KCNIP4: variants seen among roughly 807,000 people sequenced by gnomAD.
The protein encoded by KCNIP4 is Kv channel-interacting protein 4.
Under a neutral mutation model 34.0 loss-of-function variants are expected in KCNIP4, and 12 were observed. That is an observed-to-expected ratio of 0.35 (90% CI 0.23 to 0.57). KCNIP4 has a LOEUF of 0.57. Among genes scored for constraint, KCNIP4 ranks in the 20% least tolerant of loss-of-function variants. The pLI is 0.83. For missense variants in KCNIP4, 238 were observed against 311.7 expected, an observed-to-expected ratio of 0.76 and a Z score of 1.78; for synonymous variants, 124 against 102.2, an observed-to-expected ratio of 1.21 and a Z score of -1.29.
At chr4:20,786,483 G>C (rs1372466988) in intron 3 of KCNIP4, among the ~76,000 whole-genome samples, 1 of 152,074 alleles carries the variant, frequency 6.6e-6, no homozygotes, top group Non-Finnish European at 1.5e-5. Context: ...TTATTTTAGT[G>C]ATTTTAAATT....
rs561575870 is a variant in KCNIP4 at position 21,227,448 on chromosome 4, C to G, written c.62-344739G>C. On this transcript the variant is annotated intron_variant, in intron 1 of 8. Coordinates refer to ENST00000382152, the MANE Select transcript of KCNIP4 (RefSeq NM_025221.6). ...TTGAAGACTTCTAGTTTTAACTTCCCCCTGTCTGTATCTTGAGTGCCTGCA... is the reference window on the plus strand; with the variant it reads ...TTGAAGACTTCTAGTTTTAACTTCCGCCTGTCTGTATCTTGAGTGCCTGCA... 5.9e-5 allele frequency among the ~76,000 whole-genome samples: 9 copies of G among 152,264 alleles called. No individual in the cohort carries two copies. In the East Asian group the frequency reaches 1.7e-3, roughly 29 times the overall value.
intron 1 of KCNIP4, chr4:21,846,550 A>G (rs559485953): frequency 3.9e-5 from 6 of 152,242 alleles, no homozygotes; most frequent in Admixed American, 3.3e-4. Context: ...GAAGTGATTA[A>G]AGAATGCTTA....
chr4:21,872,612 C>A (rs1027062045), intron 1 of KCNIP4, among the ~76,000 whole-genome samples: 10 of 152,120 alleles, frequency 6.6e-5, no homozygotes, highest in Non-Finnish European at 1.2e-4. Context: ...CAAAGACCTC[C>A]TGATAAAAGT....
intron 1 of KCNIP4, among the ~76,000 whole-genome samples, chr4:21,915,109 G>A (rs1728554546): frequency 6.6e-6 from 1 of 152,090 alleles, no homozygotes; most frequent in Non-Finnish European, 1.5e-5. Context: ...CAGTATTTTA[G>A]GCTTTGCAAG....
chr4:21,873,445 T>C lies in KCNIP4; in HGVS notation c.61+75126A>G, dbSNP rs540583725. Among the ~76,000 whole-genome samples the C allele has an allele frequency of 2.6e-5, 4 of 152,276 alleles. No individual in the cohort carries two copies. The East Asian group carries it at 7.7e-4, about 29-fold the overall frequency. On this transcript the variant is annotated intron_variant, in intron 1 of 8. Coordinates refer to ENST00000382152, the MANE Select transcript of KCNIP4 (RefSeq NM_025221.6). ...CCTCAAAAGAACAATGCAAAAACAG[T>C]ATTATCAGTCCATCAGAATTAAAAG...
At chr4:21,250,865 A>T (rs1038494) in intron 1 of KCNIP4, among the ~76,000 whole-genome samples, 3,264 of 150,698 alleles carry the variant, frequency 0.022, 87 homozygotes, top group East Asian at 0.16. Flanking sequence ...TTAAAATAGT[A>T]AAATATATGT....
Position 21,234,333 on chromosome 4 carries a change from T to C in KCNIP4, c.62-351624A>G, listed in dbSNP as rs1475291331. 5.3e-4 allele frequency among the ~76,000 whole-genome samples: 60 copies of C among 113,406 alleles called. 11 individuals are homozygous for C. The highest frequency in any genetic ancestry group is 9.1e-3 in the Middle Eastern group (1 of 110). 74.4% of individuals were successfully genotyped at this position (113,406 alleles called of 152,430 possible). A position where few individuals can be genotyped will look rare whatever the true frequency, so the allele number is the denominator to read the frequency against. ...TAACATATATATAACATATATAAATTATATATAACATACATTATATATAAC... is the reference window on the plus strand; with the variant it reads ...TAACATATATATAACATATATAAATCATATATAACATACATTATATATAAC... On this transcript the variant is annotated intron_variant, in intron 1 of 8. Coordinates refer to ENST00000382152, the MANE Select transcript of KCNIP4 (RefSeq NM_025221.6).
intron 3 of KCNIP4, among the ~76,000 whole-genome samples, chr4:20,768,042 G>T (rs764937095): frequency 6.6e-6 from 1 of 152,102 alleles, no homozygotes; most frequent in African/African-American, 2.4e-5. Context: ...TTCTATAATT[G>T]CAGGAGAATT....
At chr4:21,133,871 GC>G (rs1751291558) in intron 1 of KCNIP4, among the ~76,000 whole-genome samples, 2 of 152,122 alleles carry the variant, frequency 1.3e-5, no homozygotes, top group South Asian at 4.1e-4. Context: ...CAGACGTTTT[GC>G]TTCATGGAGT....
In KCNIP4 at chr4:21,069,585, A is replaced by G. The variant is rs541225131; in HGVS notation, c.62-186876T>C. Among the ~76,000 whole-genome samples the G allele has an allele frequency of 4.6e-5, 7 of 152,282 alleles. No individual in the cohort carries two copies. The East Asian group carries it at 9.7e-4, about 21-fold the overall frequency. On this transcript the variant is annotated intron_variant, in intron 1 of 8. Coordinates refer to ENST00000382152, the MANE Select transcript of KCNIP4 (RefSeq NM_025221.6). ...GCCCTGGGTCTGTAAAACACATACC[A>G]GAAGTGGGAGAGGACATAGGTTAAA...
At chr4:20,759,013 A>G (rs748755662) in intron 3 of KCNIP4, 123 bp from the exon 4 acceptor site, 7 of 685,394 alleles carry the variant, frequency 1.0e-5, no homozygotes, top group Non-Finnish European at 1.5e-5. Flanking sequence ...CCATTCATCC[A>G]TTATTACAAA....
At chr4:21,629,761 C>G (rs1427739876) in intron 1 of KCNIP4, among the ~76,000 whole-genome samples, 1 of 151,850 alleles carries the variant, frequency 6.6e-6, no homozygotes, top group Non-Finnish European at 1.5e-5. Context: ...TAGTTCGGCA[C>G]AGTGTACGCT....
At chr4:20,999,366 C>T (rs909644712) in intron 1 of KCNIP4, among the ~76,000 whole-genome samples, 2 of 148,552 alleles carry the variant, frequency 1.3e-5, no homozygotes, top group South Asian at 2.1e-4. Context: ...ACACAGATCA[C>T]GAAGGGTCTT....
intron 1 of KCNIP4, among the ~76,000 whole-genome samples, chr4:21,934,874 T>C (rs1261819643): frequency 1.3e-5 from 2 of 152,154 alleles, no homozygotes; most frequent in African/African-American, 2.4e-5. Flanking sequence ...AAAAAGGATA[T>C]TTAAAATTGC....
chr4:21,794,747 C>T (rs1252857233), intron 1 of KCNIP4, among the ~76,000 whole-genome samples: 3 of 152,134 alleles, frequency 2.0e-5, no homozygotes, highest in South Asian at 2.1e-4. Flanking sequence ...GGAGTGGTGG[C>T]ATGCACCTGT....
chr4:20,977,414 T>G (rs1735597155), intron 1 of KCNIP4, among the ~76,000 whole-genome samples: 1 of 152,110 alleles, frequency 6.6e-6, no homozygotes, highest in African/African-American at 2.4e-5. Flanking sequence ...GCAGCATGTA[T>G]TCTCTCTCTC....
intron 3 of KCNIP4, among the ~76,000 whole-genome samples, chr4:20,831,330 G>A (rs1718403941): frequency 3.3e-5 from 5 of 152,180 alleles, no homozygotes; most frequent in Admixed American, 3.3e-4. Context: ...TCAGAGCTGG[G>A]ATTGCAATCC....
intron 1 of KCNIP4, among the ~76,000 whole-genome samples, chr4:21,408,418 G>A (rs1029849515): frequency 2.6e-5 from 4 of 152,098 alleles, no homozygotes; most frequent in Non-Finnish European, 5.9e-5. Context: ...GAGGCACAGA[G>A]GAGAAAGAGA....
At chr4:21,148,348 G>A (rs1752533094) in intron 1 of KCNIP4, among the ~76,000 whole-genome samples, 1 of 152,132 alleles carries the variant, frequency 6.6e-6, no homozygotes, top group East Asian at 1.9e-4. Flanking sequence ...CAGACAGCAA[G>A]GTGAGTAATG....
Sources: allele counts gnomAD v4.1 joint callset (sites outside exome capture counted in the v4.1 genomes callset), GRCh38; gene constraint gnomAD v4.1.1; transcripts MANE v1.5; gene names NCBI Gene and HGNC (gene_info 2026-07-23, HGNC 2026-07-21).